The following LMNB1 variants were observed in gnomAD, a reference collection of about 807,000 sequenced individuals.
LMNB1 encodes the protein lamin-B1.
Under a neutral mutation model 67.1 loss-of-function variants are expected in LMNB1, and 23 were observed. That is an observed-to-expected ratio of 0.34 (90% CI 0.25 to 0.49). The LOEUF is 0.49. Among genes scored for constraint, LMNB1 ranks in the 20% least tolerant of loss-of-function variants. The pLI, the probability that LMNB1 is intolerant of heterozygous loss-of-function variation, is 0.99. For synonymous variants in LMNB1, 281 were observed against 282.9 expected, an observed-to-expected ratio of 0.99 and a Z score of 0.07; for missense variants, 634 against 746.5, an observed-to-expected ratio of 0.85 and a Z score of 1.76.
chr5:126,806,683 C>G (rs1037439409), intron 3 of LMNB1, among the ~76,000 whole-genome samples: 16 of 152,186 alleles, frequency 1.1e-4, no homozygotes, highest in African/African-American at 3.9e-4. Context: ...AGATTGTCTT[C>G]TATAACCTAA....
At chr5:126,790,091 A>C (rs1214248280) in intron 1 of LMNB1, among the ~76,000 whole-genome samples, 5 of 152,104 alleles carry the variant, frequency 3.3e-5, no homozygotes, top group Non-Finnish European at 7.4e-5. Flanking sequence ...GACATGAGCC[A>C]CTGAGCCCGG....
intron 1 of LMNB1, among the ~76,000 whole-genome samples, chr5:126,793,312 T>G (rs1249636513): frequency 6.8e-6 from 1 of 147,942 alleles, no homozygotes. Context: ...TGCCTGTTTA[T>G]GTTACAGTGA....
chr5:126,792,179 G>A (rs1253125651), intron 1 of LMNB1, among the ~76,000 whole-genome samples: 2 of 132,316 alleles, frequency 1.5e-5, no homozygotes, highest in African/African-American at 2.9e-5. Context: ...GTCTTACTCT[G>A]TCACCCAGAC....
In LMNB1 at chr5:126,777,724, C is replaced by A. The variant is rs1034786910; in HGVS notation, c.216C>A (p.Gly72=). The change falls in exon 1 of 11, where the codon GGC becomes GGA. Residue 72 remains glycine, a synonymous_variant. Coordinates refer to ENST00000261366, the MANE Select transcript of LMNB1 (RefSeq NM_005573.4). The part of the protein sequence containing the change: ...LQVTEREEVR[G]RELTGLKALY... ...TGACGGAGCGCGAGGAGGTGCGCGG[C>A]CGTGAGCTCACCGGCCTCAAGGCGC... is the stretch of plus-strand genomic sequence containing the variant. 1 of 1,542,174 alleles carries A rather than the reference C, an allele frequency of 6.5e-7. No individual in the cohort carries two copies. Among genetic ancestry groups the A allele is most frequent in the South Asian group, 1.2e-5 (1 of 83,236 alleles).
chr5:126,787,547 T>TATATATATATATATA (rs869071732), intron 1 of LMNB1, among the ~76,000 whole-genome samples: 5 of 37,478 alleles, frequency 1.3e-4, no homozygotes, highest in African/African-American at 3.3e-4. Flanking sequence ...TATATATATA[T>TATATATATATATATA]TTTTTTTTTT....
chr5:126,799,385 ATTTG>A (rs1035132954), intron 1 of LMNB1, among the ~76,000 whole-genome samples: 6 of 152,204 alleles, frequency 3.9e-5, no homozygotes, highest in African/African-American at 1.2e-4. Flanking sequence ...ACACAGAACA[ATTTG>A]TTTGTGGAGT....
intron 1 of LMNB1, among the ~76,000 whole-genome samples, chr5:126,798,134 AAAAC>A (rs143035589): frequency 0.26 from 39,113 of 148,036 alleles, 5,300 homozygotes; most frequent in South Asian, 0.37. Context: ...AGACCGTCTC[AAAAC>A]AAACAAACAA....
At position 126,798,030 on chromosome 5, in the gene LMNB1, C is replaced by T. The variant is rs191946847; in HGVS notation, c.360-6746C>T. On this transcript the variant is annotated intron_variant, in intron 1 of 10. Coordinates refer to ENST00000261366, the MANE Select transcript of LMNB1 (RefSeq NM_005573.4). ...GAACCCAGGAGGTGTAAGTTACAGT[C>T]AGCCATGATCGTGGAGGATTGCTTG... Among the ~76,000 whole-genome samples the T allele has an allele frequency of 1.7e-3, 261 of 152,094 alleles. 2 individuals carry two copies. Among genetic ancestry groups the T allele is most frequent in the Middle Eastern group, 3.4e-3 (1 of 294 alleles).
intron 9 of LMNB1, among the ~76,000 whole-genome samples, chr5:126,826,919 C>T (rs1241310468): frequency 2.6e-5 from 4 of 152,136 alleles, no homozygotes; most frequent in African/African-American, 4.8e-5. Flanking sequence ...TCTCATTTTC[C>T]TTTTAGTTGT....
chr5:126,832,753 GGAA>G lies in LMNB1; in HGVS notation c.1676_1678del (p.Glu559del), dbSNP rs1752165646. 6.2e-7 allele frequency: 1 copy of G among 1,612,576 alleles called. No homozygotes were observed. Among genetic ancestry groups the G allele is most frequent in the Non-Finnish European group, 8.5e-7 (1 of 1,179,122 alleles). On this transcript the variant is annotated inframe_deletion, in exon 10 of 11. Transcript: ENST00000261366. The stretch of plus-strand genomic sequence containing the variant: ...CCATACCTGAAGAAGAGGAGGAGGA[GGAA>G]GAAGCAGCTGGAGTGGTTGTTGAGG...
intron 1 of LMNB1, among the ~76,000 whole-genome samples, chr5:126,797,973 C>G (rs1397748621): frequency 6.6e-6 from 1 of 152,156 alleles, no homozygotes; most frequent in Non-Finnish European, 1.5e-5. Flanking sequence ...ATACTCCCAG[C>G]TTCTTGGGGG....
intron 5 of LMNB1, among the ~76,000 whole-genome samples, chr5:126,818,314 C>G (rs1440679525): frequency 2.0e-5 from 3 of 150,742 alleles, no homozygotes; most frequent in Non-Finnish European, 4.4e-5. Flanking sequence ...TCTTGGCTCA[C>G]TGCAACCTCT....
At chr5:126,797,768 A>G (rs1489264881) in intron 1 of LMNB1, among the ~76,000 whole-genome samples, 1 of 152,294 alleles carries the variant, frequency 6.6e-6, no homozygotes, top group East Asian at 1.9e-4. Flanking sequence ...TTGACAACTC[A>G]TGTGACATAG....
At chr5:126,818,867 TG>T in intron 5 of LMNB1, 54 bp from the exon 6 acceptor site, 1 of 1,209,398 alleles carries the variant, frequency 8.3e-7, no homozygotes, top group Non-Finnish European at 1.2e-6. Context: ...AATAGCTGCC[TG>T]GTGCTAATGT....
In LMNB1 at chr5:126,777,759, C is replaced by T. The variant is rs1288746906; in HGVS notation, c.251C>T (p.Thr84Ile). 1 of 1,522,542 alleles carries T rather than the reference C, an allele frequency of 6.6e-7. No individual in the cohort carries two copies. Among genetic ancestry groups the T allele is most frequent in the Non-Finnish European group, 8.8e-7 (1 of 1,132,210 alleles). 94.3% of individuals were successfully genotyped at this position (1,522,542 alleles called of 1,614,324 possible). The change falls in exon 1 of 11, where the codon ACC becomes ATC. Residue 84 changes from threonine to isoleucine, a missense_variant. Thr to Ile is a moderately conservative substitution (Grantham distance 89). Transcript: ENST00000261366. Reference sequence around the variant, plus strand: ...ACCGGCCTCAAGGCGCTCTACGAGACCGAGCTGGCCGACGCGCGACGCGCG... The same window carrying T: ...ACCGGCCTCAAGGCGCTCTACGAGATCGAGCTGGCCGACGCGCGACGCGCG... Reference protein sequence around the residue: ...ELTGLKALYETELADARRALD... With the variant: ...ELTGLKALYEIELADARRALD...
chr5:126,825,506 G>A (rs1039393567), intron 8 of LMNB1, among the ~76,000 whole-genome samples: 1 of 152,144 alleles, frequency 6.6e-6, no homozygotes, highest in Non-Finnish European at 1.5e-5. Flanking sequence ...TAGGCAGCCA[G>A]AGAACATTAT....
intron 7 of LMNB1, 82 bp from the exon 8 acceptor site, chr5:126,822,699 C>T (rs1353775113): frequency 9.9e-6 from 8 of 809,266 alleles, no homozygotes; most frequent in Non-Finnish European, 2.0e-6. Context: ...GTTTAACTGC[C>T]TGTATGGATT....
intron 1 of LMNB1, among the ~76,000 whole-genome samples, chr5:126,800,345 G>A (rs2112948504): frequency 6.6e-6 from 1 of 152,282 alleles, no homozygotes; most frequent in East Asian, 1.9e-4. Flanking sequence ...GAGAGGTAAA[G>A]CAGGGAAGCA....
At chr5:126,821,159 T>A (rs1245310671) in intron 7 of LMNB1, 24 bp downstream of exon 7, 1 of 1,497,266 alleles carries the variant, frequency 6.7e-7, no homozygotes, top group Non-Finnish European at 9.3e-7. Flanking sequence ...CCCTTTTTTT[T>A]CTAGCAAGGC....
Sources: gnomAD v4.1 joint callset for allele counts (sites outside exome capture counted in the v4.1 genomes callset) on GRCh38, gnomAD v4.1.1 for gene constraint, MANE v1.5 for transcripts, NCBI Gene and HGNC (gene_info 2026-07-23, HGNC 2026-07-21) for gene names.